Variants in KCNK2 observed in about 807,000 individuals in gnomAD.
The protein encoded by KCNK2 is potassium channel subfamily K member 2.
In KCNK2, 21 loss-of-function variants were observed where a neutral mutation model predicts 40.5. The ratio of observed to expected loss-of-function variants is 0.52; its 90% CI spans 0.37 to 0.75. KCNK2 has a LOEUF of 0.75. KCNK2 is among the 30% of genes least tolerant of loss of function. The pLI is 0.00. For synonymous variants in KCNK2, 191 were observed against 202.2 expected, an observed-to-expected ratio of 0.94 and a Z score of 0.47; for missense variants, 399 against 531.6, an observed-to-expected ratio of 0.75 and a Z score of 2.45.
In KCNK2 at chr1:215,083,118, CAA is replaced by C; in HGVS notation, c.-267_-266del. Reference sequence around the variant, plus strand: ...GCGCGGGGGCGGCGGCGCCCAAGCCCAACTTGGCCTCCGCCTCGCCCTCTGCC... The same window carrying C: ...GCGCGGGGGCGGCGGCGCCCAAGCCCCTTGGCCTCCGCCTCGCCCTCTGCC... On this transcript the variant is annotated 5_prime_UTR_variant, in exon 1 of 7. Transcript: ENST00000444842. 1 of 615,788 alleles carries C rather than the reference CAA, an allele frequency of 1.6e-6. No homozygotes were observed. Among genetic ancestry groups the C allele is most frequent in the South Asian group, 2.2e-5 (1 of 44,740 alleles). 38.1% of individuals were successfully genotyped at this position (615,788 alleles called of 1,614,324 possible). A position where few individuals can be genotyped will look rare whatever the true frequency, so the allele number is the denominator to read the frequency against.
At chr1:215,072,791 T>C (rs1054355434) in intron 1 of KCNK2, among the ~76,000 whole-genome samples, 2 of 152,192 alleles carry the variant, frequency 1.3e-5, no homozygotes, top group Non-Finnish European at 2.9e-5. Flanking sequence ...TAAAACATTG[T>C]GCTGAGGAAC....
At chr1:215,066,214 T>C (rs1163586827) in intron 1 of KCNK2, among the ~76,000 whole-genome samples, 2 of 152,088 alleles carry the variant, frequency 1.3e-5, no homozygotes, top group African/African-American at 2.4e-5. Flanking sequence ...TGTATACCTA[T>C]GTAACAAACC....
chr1:215,047,119 T>G (rs1218358369), intron 1 of KCNK2, among the ~76,000 whole-genome samples: 1 of 152,112 alleles, frequency 6.6e-6, no homozygotes, highest in Non-Finnish European at 1.5e-5. Context: ...TATTGCCTGA[T>G]TTTAACTTGC....
intron 3 of KCNK2, among the ~76,000 whole-genome samples, chr1:215,157,352 C>G (rs980398777): frequency 3.3e-5 from 5 of 152,152 alleles, no homozygotes; most frequent in African/African-American, 1.2e-4. Flanking sequence ...CCCCAAACAG[C>G]TGCTAAGCCA....
At chr1:215,187,089 C>T (rs1336102638) in intron 5 of KCNK2, among the ~76,000 whole-genome samples, 5 of 152,106 alleles carry the variant, frequency 3.3e-5, no homozygotes, top group Admixed American at 2.6e-4. Context: ...CTTGCCTCAG[C>T]CTCCCAAGTT....
At chr1:215,191,172 CT>C (rs1396659649) in intron 5 of KCNK2, among the ~76,000 whole-genome samples, 1 of 151,612 alleles carries the variant, frequency 6.6e-6, no homozygotes, top group Non-Finnish European at 1.5e-5. Flanking sequence ...GTATTCCCAG[CT>C]TCTCGGGAAG....
At chr1:215,056,080 CAG>C (rs1271817178) in intron 1 of KCNK2, among the ~76,000 whole-genome samples, 1 of 151,984 alleles carries the variant, frequency 6.6e-6, no homozygotes, top group Non-Finnish European at 1.5e-5. Context: ...CCAAGGTGAG[CAG>C]ATCAGCCACT....
intron 6 of KCNK2, among the ~76,000 whole-genome samples, chr1:215,234,159 C>T (rs564185777): frequency 2.4e-4 from 37 of 152,252 alleles, no homozygotes; most frequent in African/African-American, 8.7e-4. Flanking sequence ...TTAACTGTTT[C>T]CCAAGTGGGC....
intron 2 of KCNK2, among the ~76,000 whole-genome samples, chr1:215,113,666 G>A (rs1660798191): frequency 6.6e-6 from 1 of 152,116 alleles, no homozygotes; most frequent in Admixed American, 6.6e-5. Flanking sequence ...CACGATCCCG[G>A]CTCACTGCAA....
At chr1:215,073,252 A>G (rs553454742) in intron 1 of KCNK2, among the ~76,000 whole-genome samples, 4 of 152,224 alleles carry the variant, frequency 2.6e-5, no homozygotes, top group African/African-American at 9.6e-5. Context: ...CCTGACTTCT[A>G]CTCCGCAGAC....
At chr1:215,086,794 C>A in intron 2 of KCNK2, 116 bp downstream of exon 2, 1 of 859,192 alleles carries the variant, frequency 1.2e-6, no homozygotes, top group South Asian at 1.6e-5. Context: ...CCTATCCCAC[C>A]TCATTTGCCT....
At chr1:215,007,893 G>T (rs751498134) in intron 1 of KCNK2, among the ~76,000 whole-genome samples, 4 of 152,110 alleles carry the variant, frequency 2.6e-5, no homozygotes, top group Non-Finnish European at 5.9e-5. Flanking sequence ...GTTCTGTTCA[G>T]TCTATTACAG....
intron 2 of KCNK2, among the ~76,000 whole-genome samples, chr1:215,087,567 G>C (rs1041495655): frequency 6.6e-6 from 1 of 152,156 alleles, no homozygotes; most frequent in South Asian, 2.1e-4. Context: ...CACAAGGAGT[G>C]ACTTGACTGG....
chr1:215,077,483 A>G (rs1368745739), intron 1 of KCNK2, among the ~76,000 whole-genome samples: 6 of 152,198 alleles, frequency 3.9e-5, no homozygotes, highest in Non-Finnish European at 5.9e-5. Flanking sequence ...AAATTCACTT[A>G]TCTACATGCT....
chr1:215,209,254 C>CAATATACACATATT (rs1346424256), intron 6 of KCNK2, among the ~76,000 whole-genome samples: 1 of 117,130 alleles, frequency 8.5e-6, no homozygotes, highest in Non-Finnish European at 1.6e-5. Flanking sequence ...ATACACATAT[C>CAATATACACATATT]TTATATATAA....
chr1:215,138,445 G>GA (rs1251488909), intron 3 of KCNK2, among the ~76,000 whole-genome samples: 12 of 152,152 alleles, frequency 7.9e-5, no homozygotes, highest in East Asian at 7.7e-4. Context: ...ATTTTTAGAG[G>GA]AAAAAATCAG....
chr1:215,007,041 G>GTGTGTGTATATATATA (rs1558053959), intron 1 of KCNK2, among the ~76,000 whole-genome samples: 2 of 110,318 alleles, frequency 1.8e-5, no homozygotes, highest in Admixed American at 8.8e-5. Flanking sequence ...ATATATATGT[G>GTGTGTGTATATATATA]TGTGTGTGTA....
intron 3 of KCNK2, among the ~76,000 whole-genome samples, chr1:215,142,971 G>A (rs1198981817): frequency 6.6e-6 from 1 of 152,052 alleles, no homozygotes; most frequent in Non-Finnish European, 1.5e-5. Context: ...AACACACTAA[G>A]AGTCCACATT....
intron 2 of KCNK2, among the ~76,000 whole-genome samples, chr1:215,112,577 C>T (rs548295399): frequency 2.0e-5 from 3 of 152,184 alleles, no homozygotes; most frequent in African/African-American, 7.2e-5. Flanking sequence ...ACAATGATGT[C>T]CTAGGCCTTC....
Sources: allele counts gnomAD v4.1 joint callset (sites outside exome capture counted in the v4.1 genomes callset), GRCh38; gene constraint gnomAD v4.1.1; transcripts MANE v1.5; gene names NCBI Gene and HGNC (gene_info 2026-07-23, HGNC 2026-07-21).